Variants in CADM2 observed in about 807,000 individuals in gnomAD.
CADM2 encodes the protein cell adhesion molecule 2.
Under a neutral mutation model 49.8 loss-of-function variants are expected in CADM2, and 12 were observed. The observed-to-expected ratio is 0.24, with a 90% CI of 0.15 to 0.39. The LOEUF (loss-of-function observed/expected upper bound fraction) is 0.39, where lower values mean the gene tolerates loss of function less well. CADM2 is among the 10% of genes least tolerant of loss of function. CADM2 has a pLI of 1.00. For missense variants in CADM2, 378 were observed against 492.3 expected (o/e 0.77, Z 2.20); for synonymous variants, 214 against 175.4 (o/e 1.22, Z -1.74).
At chr3:85,882,423 G>A (rs554100512) in intron 3 of CADM2, among the ~76,000 whole-genome samples, 1 of 152,164 alleles carries the variant, frequency 6.6e-6, no homozygotes, top group African/African-American at 2.4e-5. Context: ...TTTGTGGTTG[G>A]GAGAAGCTGG....
At chr3:85,570,813 T>C (rs2062453655) in intron 1 of CADM2, among the ~76,000 whole-genome samples, 1 of 152,170 alleles carries the variant, frequency 6.6e-6, no homozygotes, top group South Asian at 2.1e-4. Flanking sequence ...GATTACTTGG[T>C]AATTTATCTT....
At chr3:85,837,389 C>G (rs540519650) in intron 3 of CADM2, among the ~76,000 whole-genome samples, 4 of 151,216 alleles carry the variant, frequency 2.6e-5, no homozygotes, top group Admixed American at 6.6e-5. Flanking sequence ...AAAAAACATT[C>G]TCCTTTTACC....
intron 1 of CADM2, among the ~76,000 whole-genome samples, chr3:85,293,673 G>A (rs377311055): frequency 7.2e-5 from 10 of 139,032 alleles, no homozygotes; most frequent in African/African-American, 2.5e-4. Context: ...TATAAACAGA[G>A]CCAAAGACAA....
intron 1 of CADM2, among the ~76,000 whole-genome samples, chr3:85,485,781 G>T (rs756359156): frequency 2.0e-5 from 3 of 152,012 alleles, no homozygotes; most frequent in Non-Finnish European, 4.4e-5. Context: ...AGAAATAAAA[G>T]ATTTTACCCC....
At chr3:85,787,171 G>A (rs1044503087) in intron 2 of CADM2, among the ~76,000 whole-genome samples, 5 of 152,022 alleles carry the variant, frequency 3.3e-5, no homozygotes, top group African/African-American at 9.7e-5. Context: ...TGCCATTTTA[G>A]AGTGGAAGTA....
chr3:85,896,567 TGTAGTG>T, intron 5 of CADM2, among the ~76,000 whole-genome samples: 1 of 152,332 alleles, frequency 6.6e-6, no homozygotes, highest in South Asian at 2.1e-4. Flanking sequence ...AGCTGGACTC[TGTAGTG>T]GGTCACTGAA....
intron 1 of CADM2, among the ~76,000 whole-genome samples, chr3:85,158,521 T>A (rs1242547206): frequency 6.6e-6 from 1 of 152,184 alleles, no homozygotes; most frequent in African/African-American, 2.4e-5. Flanking sequence ...ATAAAAATGA[T>A]GAGTTCATGT....
At chr3:85,777,505 T>C (rs962244076) in intron 2 of CADM2, among the ~76,000 whole-genome samples, 2 of 152,080 alleles carry the variant, frequency 1.3e-5, no homozygotes, top group Non-Finnish European at 2.9e-5. Flanking sequence ...TCAGCCCGCC[T>C]TGGGCTCCCA....
chr3:85,994,312 A>G (rs1228474944), intron 8 of CADM2: 1 of 152,092 alleles, frequency 6.6e-6, no homozygotes, highest in Non-Finnish European at 1.5e-5. Context: ...CAGCTCCTTC[A>G]TGTCTTTCAA....
At chr3:85,269,186 C>T (rs1189278839) in intron 1 of CADM2, among the ~76,000 whole-genome samples, 1 of 151,052 alleles carries the variant, frequency 6.6e-6, no homozygotes, top group East Asian at 1.9e-4. Flanking sequence ...AAATTAAGCC[C>T]AGGATTCTAA....
At chr3:85,630,672 G>A (rs541345193) in intron 1 of CADM2, among the ~76,000 whole-genome samples, 46 of 152,154 alleles carry the variant, frequency 3.0e-4, no homozygotes, top group Non-Finnish European at 5.6e-4. Flanking sequence ...AGGAGAAAAT[G>A]TAAAATTTGT....
intron 1 of CADM2, among the ~76,000 whole-genome samples, chr3:85,671,604 TCCTTCC>T (rs2065738801): frequency 6.6e-6 from 1 of 152,122 alleles, no homozygotes; most frequent in Non-Finnish European, 1.5e-5. Context: ...TTTTCCCTTC[TCCTTCC>T]CCTTCTCTAA....
chr3:85,483,095 T>C (rs929498387), intron 1 of CADM2, among the ~76,000 whole-genome samples: 1 of 151,494 alleles, frequency 6.6e-6, no homozygotes, highest in East Asian at 1.9e-4. Context: ...TAGTATAGTA[T>C]GGGTTTTTTG....
chr3:84,974,216 G>A (rs997961400), intron 1 of CADM2, among the ~76,000 whole-genome samples: 14 of 145,902 alleles, frequency 9.6e-5, no homozygotes, highest in African/African-American at 3.3e-4. Context: ...ATAGACAAGC[G>A]AACTCTGTAA....
Position 85,710,008 on chromosome 3 carries a change from C to A in CADM2, c.62-16514C>A, listed in dbSNP as rs899505727. Among the ~76,000 whole-genome samples the A allele has an allele frequency of 3.3e-5, 5 of 152,088 alleles. No individual in the cohort carries two copies. The East Asian group carries it at 5.8e-4, about 18-fold the overall frequency. On this transcript the variant is annotated intron_variant, in intron 1 of 9. Coordinates refer to ENST00000383699, the MANE Select transcript of CADM2 (RefSeq NM_001167675.2). ...AAAGTGTGTTACCTGAGTACTCTAG[C>A]AAATTAATCTCACAGCTCTCCGGAA...
At position 85,923,808 on chromosome 3, in the gene CADM2, A is replaced by G. The variant is rs185255735; in HGVS notation, c.700+11265A>G. ...AATCAGCTCCCTGTGGTTATCGGCA[A>G]TTGAAGTGTGGGTATTGTGACTAAG... On this transcript the variant is annotated intron_variant, in intron 6 of 9. Transcript: ENST00000383699. Among the ~76,000 whole-genome samples, 135 of 152,338 alleles carry G rather than the reference A, an allele frequency of 8.9e-4. 1 individual carries two copies. Among genetic ancestry groups the G allele is most frequent in the African/African-American group, 3.1e-3 (129 of 41,580 alleles).
chr3:85,465,106 C>T (rs1178400483), intron 1 of CADM2, among the ~76,000 whole-genome samples: 3 of 152,080 alleles, frequency 2.0e-5, no homozygotes, highest in Non-Finnish European at 4.4e-5. Flanking sequence ...GCTGAGATCG[C>T]GCCACTGCAC....
intron 1 of CADM2, among the ~76,000 whole-genome samples, chr3:84,962,961 A>G (rs1369203325): frequency 6.6e-6 from 1 of 152,202 alleles, no homozygotes; most frequent in Non-Finnish European, 1.5e-5. Flanking sequence ...GTGAGAATCT[A>G]GTCAATGATA....
At chr3:85,838,563 T>C (rs1408608417) in intron 3 of CADM2, among the ~76,000 whole-genome samples, 1 of 151,796 alleles carries the variant, frequency 6.6e-6, no homozygotes, top group Non-Finnish European at 1.5e-5. Flanking sequence ...TATAATATAC[T>C]TTTTTGGAGG....
Sources: allele counts gnomAD v4.1 joint callset (sites outside exome capture counted in the v4.1 genomes callset), GRCh38; gene constraint gnomAD v4.1.1; transcripts MANE v1.5; gene names NCBI Gene and HGNC (gene_info 2026-07-23, HGNC 2026-07-21).